Variants in INSR observed in about 807,000 individuals in gnomAD.
The protein encoded by INSR is insulin receptor, also known as IR.
INSR carries 67 observed loss-of-function variants against 142.6 expected under a neutral mutation model. That is an observed-to-expected ratio of 0.47 (90% CI 0.39 to 0.58). The LOEUF is 0.58. INSR is among the 20% of genes least tolerant of loss of function. The pLI, the probability that INSR is intolerant of heterozygous loss-of-function variation, is 0.00. For missense variants in INSR, 1,248 were observed against 1,833.2 expected (o/e 0.68, Z 5.83); for synonymous variants, 756 against 743.1 (o/e 1.02, Z -0.28).
chr19:7,118,778 G>A (rs1344996033), intron 21 of INSR, among the ~76,000 whole-genome samples: 4 of 150,612 alleles, frequency 2.7e-5, no homozygotes, highest in East Asian at 3.9e-4. Flanking sequence ...AGCCAGGCGC[G>A]GTGGTGGGTG....
Position 7,168,077 on chromosome 19 carries a change from T to G in INSR, c.1501A>C (p.Lys501Gln). Reference sequence around the variant, plus strand: ...AAAGATGTCCGAATGTAAGAAAATTTAAGTAACTCATTTTCACCTGGAAAA... The same window carrying G: ...AAAGATGTCCGAATGTAAGAAAATTGAAGTAACTCATTTTCACCTGGAAAA... ...DQASCENELL[K>Q]FSYIRTSFDK... Residue 501 changes from lysine to glutamine, a missense_variant, in exon 7 of 22, where the codon AAA (lysine) becomes CAA (glutamine). Lys to Gln is a moderately conservative substitution (Grantham distance 53). Transcript: ENST00000302850. The surrounding 1 kb of genome is among the most constrained non-coding windows in gnomAD (Gnocchi z 4.3). 6.2e-7 allele frequency: 1 copy of G among 1,614,064 alleles called. No homozygotes were observed. Among genetic ancestry groups the G allele is most frequent in the Non-Finnish European group, 8.5e-7 (1 of 1,179,926 alleles).
At chr19:7,190,737 T>C (rs532216670) in intron 2 of INSR, among the ~76,000 whole-genome samples, 5 of 152,284 alleles carry the variant, frequency 3.3e-5, no homozygotes, top group Non-Finnish European at 5.9e-5. Context: ...TGTAGGGAGA[T>C]GTTGATCAAA....
At chr19:7,214,168 G>A (rs918770339) in intron 2 of INSR, among the ~76,000 whole-genome samples, 1 of 152,130 alleles carries the variant, frequency 6.6e-6, no homozygotes, top group Non-Finnish European at 1.5e-5. Flanking sequence ...TCTGAAGGGG[G>A]AAATTCCATT....
chr19:7,197,516 G>GTGGGTGTGTGTGTGTGTGTGTGTGTGT lies in INSR; in HGVS notation c.653-12880_653-12879insACACACACACACACACACACACACCCA, dbSNP rs1568480264. Among the ~76,000 whole-genome samples, 3 of 70,856 alleles carry GTGGGTGTGTGTGTGTGTGTGTGTGTGT rather than the reference G, an allele frequency of 4.2e-5. 1 individual carries two copies. Among genetic ancestry groups the GTGGGTGTGTGTGTGTGTGTGTGTGTGT allele is most frequent in the Non-Finnish European group, 8.4e-5 (3 of 35,640 alleles). 46.5% of individuals were successfully genotyped at this position (70,856 alleles called of 152,430 possible). On this transcript the variant is annotated intron_variant, in intron 2 of 21. Transcript: ENST00000302850. ...TGGCAGGTTCCAGAGTGGGAGTGGG[G>GTGGGTGTGTGTGTGTGTGTGTGTGTGT]GTGTGTGTGTGTGTGTGTGTGTGTG...
chr19:7,246,662 T>C (rs73920344), intron 2 of INSR, among the ~76,000 whole-genome samples: 9,292 of 152,246 alleles, frequency 0.061, 873 homozygotes, highest in African/African-American at 0.2. Flanking sequence ...AGTTCCATGA[T>C]TGAACGTGGA....
chr19:7,172,620 C>A (rs184239147), intron 4 of INSR, among the ~76,000 whole-genome samples, 186 bp from the exon 5 acceptor site: 11 of 152,216 alleles, frequency 7.2e-5, no homozygotes, highest in Admixed American at 7.2e-4. Context: ...ATACTTCTGC[C>A]CCAGGACCTT....
chr19:7,165,967 T>C (rs909762277), intron 8 of INSR, among the ~76,000 whole-genome samples, 187 bp downstream of exon 8: 3 of 149,792 alleles, frequency 2.0e-5, no homozygotes, highest in African/African-American at 7.4e-5. Context: ...AGTTTGAGGC[T>C]GCAGTGAGCC....
At chr19:7,221,297 C>T (rs1298927066) in intron 2 of INSR, among the ~76,000 whole-genome samples, 1 of 151,826 alleles carries the variant, frequency 6.6e-6, no homozygotes, top group Non-Finnish European at 1.5e-5. Context: ...TCTCTTGAAC[C>T]CAGGAGGCAG....
At chr19:7,231,699 T>G (rs140615414) in intron 2 of INSR, among the ~76,000 whole-genome samples, 1 of 151,942 alleles carries the variant, frequency 6.6e-6, no homozygotes, top group Non-Finnish European at 1.5e-5. Flanking sequence ...AAATTTTTGC[T>G]CTTTGAATCC....
At chr19:7,270,024 G>A (rs945310152) in intron 1 of INSR, among the ~76,000 whole-genome samples, 2 of 151,996 alleles carry the variant, frequency 1.3e-5, no homozygotes, top group Admixed American at 6.6e-5. Flanking sequence ...GTGCAGTGCC[G>A]TGATCTTGGC....
intron 2 of INSR, among the ~76,000 whole-genome samples, chr19:7,217,195 T>C (rs113711057): frequency 0.06 from 9,181 of 152,108 alleles, 365 homozygotes; most frequent in Non-Finnish European, 0.084. Flanking sequence ...AAAATCAAGA[T>C]GTTACAAAGG....
rs1204850012 is a variant in INSR at position 7,148,509 on chromosome 19, G to A, written c.2267+1988C>T. ...TTTTTTTTTTTTGAGACAGAGTCTC[G>A]CTCTGTCACCCAGGCTGGAATGCAG... is the stretch of plus-strand genomic sequence containing the variant. On this transcript the variant is annotated intron_variant, in intron 11 of 21. Transcript: ENST00000302850. 1.1e-4 allele frequency among the ~76,000 whole-genome samples: 11 copies of A among 104,350 alleles called. No individual in the cohort carries two copies. The Admixed American group carries it at 1.5e-3, about 15-fold the overall frequency. 68.5% of individuals were successfully genotyped at this position (104,350 alleles called of 152,430 possible). A position where few individuals can be genotyped will look rare whatever the true frequency, so the allele number is the denominator to read the frequency against.
intron 1 of INSR, among the ~76,000 whole-genome samples, chr19:7,283,508 C>T (rs12976239): frequency 0.8 from 121,602 of 152,066 alleles, 51,080 homozygotes; most frequent in Non-Finnish European, 0.94. Flanking sequence ...GGTGCAGTCT[C>T]GGCTCACTGC....
chr19:7,239,997 C>T (rs1256215119), intron 2 of INSR, among the ~76,000 whole-genome samples: 10 of 152,070 alleles, frequency 6.6e-5, no homozygotes, highest in Admixed American at 6.6e-4. Context: ...TGCAGTGGCG[C>T]CATCTCAGCT....
At chr19:7,120,184 A>G (rs796297833) in intron 20 of INSR, among the ~76,000 whole-genome samples, 5 of 152,302 alleles carry the variant, frequency 3.3e-5, no homozygotes, top group African/African-American at 1.2e-4. Flanking sequence ...TTTGTCTCTT[A>G]TCTACCTACA....
chr19:7,118,228 C>T (rs551772601), intron 21 of INSR, among the ~76,000 whole-genome samples: 2 of 151,812 alleles, frequency 1.3e-5, no homozygotes, highest in South Asian at 2.1e-4. Flanking sequence ...GGTGACACAG[C>T]GAGACTTCAT....
intron 2 of INSR, among the ~76,000 whole-genome samples, chr19:7,196,228 C>T (rs1252295625): frequency 6.6e-6 from 1 of 152,174 alleles, no homozygotes; most frequent in African/African-American, 2.4e-5. Flanking sequence ...AGCCACCACG[C>T]CTGGCCTCAG....
chr19:7,254,057 GA>G (rs1976817447), intron 2 of INSR, among the ~76,000 whole-genome samples: 2 of 148,672 alleles, frequency 1.3e-5, no homozygotes, highest in African/African-American at 2.5e-5. Flanking sequence ...GAAAAGAAAA[GA>G]AAAAAGGAAA....
intron 11 of INSR, among the ~76,000 whole-genome samples, chr19:7,147,617 T>C (rs1363464331): frequency 6.6e-6 from 1 of 152,200 alleles, no homozygotes; most frequent in African/African-American, 2.4e-5. Context: ...CTTAAGATTC[T>C]CTTTATGGTC....
Sources: gnomAD v4.1 joint callset for allele counts (sites outside exome capture counted in the v4.1 genomes callset) on GRCh38, gnomAD v4.1.1 for gene constraint, Gnocchi (gnomAD v3.1) non-coding constraint, MANE v1.5 for transcripts, NCBI Gene and HGNC (gene_info 2026-07-23, HGNC 2026-07-21) for gene names.